The following EFNA5 variants were observed in gnomAD, a reference collection of about 807,000 sequenced individuals.
EFNA5 encodes ephrin A5, also known as ephrin-A5.
Under a neutral mutation model 22.9 loss-of-function variants are expected in EFNA5, and 5 were observed. That is an observed-to-expected ratio of 0.22 (90% confidence interval 0.11 to 0.46). The LOEUF is 0.46. EFNA5 is among the 20% of genes least tolerant of loss of function. EFNA5 has a pLI of 0.99. For missense variants in EFNA5, 237 were observed against 293.3 expected, an observed-to-expected ratio of 0.81 and a Z score of 1.40; for synonymous variants, 113 against 112.2, an observed-to-expected ratio of 1.01 and a Z score of -0.04.
intron 2 of EFNA5, among the ~76,000 whole-genome samples, chr5:107,425,698 C>T (rs1182306590): frequency 6.6e-6 from 1 of 152,050 alleles, no homozygotes; most frequent in Non-Finnish European, 1.5e-5. Flanking sequence ...AATAATAAAA[C>T]TGGTACTGTT....
chr5:107,491,970 G>C (rs1323337855), intron 1 of EFNA5, among the ~76,000 whole-genome samples: 1 of 152,234 alleles, frequency 6.6e-6, no homozygotes. Context: ...GAGTAGCTGG[G>C]ATTACAGGTG....
chr5:107,421,480 T>A (rs938901623), intron 2 of EFNA5, among the ~76,000 whole-genome samples: 1 of 152,224 alleles, frequency 6.6e-6, no homozygotes, highest in Non-Finnish European at 1.5e-5. Flanking sequence ...GGAGAATTTC[T>A]TAGAAAATGC....
chr5:107,460,139 C>T (rs995645914), intron 1 of EFNA5, among the ~76,000 whole-genome samples: 5 of 152,068 alleles, frequency 3.3e-5, no homozygotes, highest in African/African-American at 1.2e-4. Flanking sequence ...GAGGTAGGGA[C>T]CTTTTCTGTG....
chr5:107,479,278 G>A (rs1040091561), intron 1 of EFNA5, among the ~76,000 whole-genome samples: 1 of 146,216 alleles, frequency 6.8e-6, no homozygotes, highest in African/African-American at 2.5e-5. Flanking sequence ...AACCCCAGGG[G>A]TAAATATGTA....
intron 4 of EFNA5, among the ~76,000 whole-genome samples, chr5:107,382,705 C>T (rs1232915436): frequency 2.0e-5 from 3 of 152,170 alleles, no homozygotes; most frequent in Non-Finnish European, 4.4e-5. Flanking sequence ...CTGAATAACA[C>T]ATTTTGGGGG....
intron 4 of EFNA5, among the ~76,000 whole-genome samples, chr5:107,384,073 T>C (rs1042791275): frequency 6.6e-6 from 1 of 152,194 alleles, no homozygotes. Flanking sequence ...TGTTGGAAGA[T>C]TCTACAGCCC....
rs1048355494 is a variant in EFNA5, at chr5:107,459,603, C to T, written c.126-32094G>A. 3.9e-5 allele frequency among the ~76,000 whole-genome samples: 6 copies of T among 152,130 alleles called. No individual in the cohort carries two copies. In the South Asian group the frequency reaches 6.2e-4, roughly 16 times the overall value. ...ATTCCTGAATTCCAGGACAGTGCTG[C>T]AAAAATTATCTCCTGGAGTTCTGTA... On this transcript the variant is annotated intron_variant, in intron 1 of 4. Coordinates refer to ENST00000333274, the MANE Select transcript of EFNA5 (RefSeq NM_001962.3).
intron 1 of EFNA5, among the ~76,000 whole-genome samples, chr5:107,537,425 C>A (rs1196505249): frequency 4.0e-5 from 6 of 151,562 alleles, no homozygotes; most frequent in African/African-American, 1.5e-4. Context: ...ATAGTGAAAC[C>A]CTGTCTCTAC....
chr5:107,574,903 C>T (rs1452323537), intron 1 of EFNA5, among the ~76,000 whole-genome samples: 2 of 152,104 alleles, frequency 1.3e-5, no homozygotes, highest in Non-Finnish European at 2.9e-5. Context: ...AATGCAGTTG[C>T]ACTAAATTCA....
At chr5:107,587,802 C>T (rs1481041627) in intron 1 of EFNA5, among the ~76,000 whole-genome samples, 1 of 152,206 alleles carries the variant, frequency 6.6e-6, no homozygotes, top group African/African-American at 2.4e-5. Flanking sequence ...CAGGCGTAAG[C>T]CACTGCGCCT....
intron 1 of EFNA5, among the ~76,000 whole-genome samples, chr5:107,561,806 T>C (rs181255293): frequency 1.9e-4 from 29 of 152,342 alleles, no homozygotes; most frequent in Admixed American, 7.8e-4. Context: ...TAAAATATTC[T>C]CATCTAATAC....
chr5:107,606,316 G>A (rs1465100918), intron 1 of EFNA5, among the ~76,000 whole-genome samples: 1 of 152,070 alleles, frequency 6.6e-6, no homozygotes, highest in Non-Finnish European at 1.5e-5. Context: ...TTAATGCAGA[G>A]TAAAGAACAG....
chr5:107,415,382 G>A (rs1748476431), intron 2 of EFNA5, among the ~76,000 whole-genome samples: 1 of 152,056 alleles, frequency 6.6e-6, no homozygotes, highest in Non-Finnish European at 1.5e-5. Context: ...AGAATTAATG[G>A]TGCTTCATAA....
chr5:107,433,303 G>C (rs1161770095), intron 1 of EFNA5, among the ~76,000 whole-genome samples: 1 of 152,216 alleles, frequency 6.6e-6, no homozygotes, highest in African/African-American at 2.4e-5. Flanking sequence ...ATTATAAAAG[G>C]GTAATTTTAG....
intron 1 of EFNA5, among the ~76,000 whole-genome samples, chr5:107,668,793 C>T (rs1231685676): frequency 6.6e-6 from 1 of 152,180 alleles, no homozygotes; most frequent in East Asian, 1.9e-4. Flanking sequence ...ACCATCACAA[C>T]TGGAAAGCTT....
At chr5:107,538,760 G>A (rs535201279) in intron 1 of EFNA5, among the ~76,000 whole-genome samples, 5 of 152,294 alleles carry the variant, frequency 3.3e-5, no homozygotes, top group South Asian at 4.1e-4. Flanking sequence ...CGCTATGTTC[G>A]TAATTTTGTA....
chr5:107,487,837 A>C (rs186018773), intron 1 of EFNA5, among the ~76,000 whole-genome samples: 8 of 152,364 alleles, frequency 5.3e-5, no homozygotes, highest in Non-Finnish European at 8.8e-5. Context: ...TTTGTATAAC[A>C]GGTGCCAACA....
In EFNA5 at chr5:107,515,190, C is replaced by T. The variant is rs115000090; in HGVS notation, c.126-87681G>A. 2.5e-3 allele frequency among the ~76,000 whole-genome samples: 380 copies of T among 150,560 alleles called. 1 individual carries two copies. Among genetic ancestry groups the T allele is most frequent in the African/African-American group, 8.7e-3 (355 of 40,942 alleles). On this transcript the variant is annotated intron_variant, in intron 1 of 4. Coordinates refer to ENST00000333274, the MANE Select transcript of EFNA5 (RefSeq NM_001962.3). ...GCTGGGATTACAGGCGACTGAGCCA[C>T]CACACCTGGCTAATTTTTGTATTTT...
At chr5:107,668,367 C>A (rs574095750) in intron 1 of EFNA5, among the ~76,000 whole-genome samples, 53 of 152,258 alleles carry the variant, frequency 3.5e-4, no homozygotes, top group African/African-American at 1.3e-3. Context: ...AAAAACATGA[C>A]CTGTGACAAA....
Sources: allele counts gnomAD v4.1 joint callset (sites outside exome capture counted in the v4.1 genomes callset), GRCh38; gene constraint gnomAD v4.1.1; transcripts MANE v1.5; gene names NCBI Gene and HGNC (gene_info 2026-07-23, HGNC 2026-07-21).